The following STAG1 variants were observed in gnomAD, a reference collection of about 807,000 sequenced individuals.
The protein encoded by STAG1 is STAG1 cohesin complex component, also known as cohesin subunit SA-1.
Under a neutral mutation model 170.9 loss-of-function variants are expected in STAG1, and 26 were observed. That is an observed-to-expected ratio of 0.15 (90% CI 0.11 to 0.21). The LOEUF (loss-of-function observed/expected upper bound fraction) is 0.21. Among genes scored for constraint, STAG1 ranks in the 10% least tolerant of loss-of-function variants. The probability of loss-of-function intolerance (pLI) is 1.00; values close to 1 mark genes in which losing one functional copy is unlikely to be tolerated. For missense variants in STAG1, 964 were observed against 1,509.5 expected (o/e 0.64, Z 5.99); for synonymous variants, 514 against 497.7 (o/e 1.03, Z -0.44).
intron 3 of STAG1, among the ~76,000 whole-genome samples, chr3:136,611,793 G>A (rs546764198): frequency 1.3e-4 from 19 of 150,010 alleles, no homozygotes; most frequent in African/African-American, 4.4e-4. Flanking sequence ...GTAAGCCACT[G>A]CATCTCGCCT....
chr3:136,418,000 T>C (rs1221868914), intron 20 of STAG1, 28 bp from the exon 21 acceptor site: 10 of 1,521,120 alleles, frequency 6.6e-6, no homozygotes, highest in Non-Finnish European at 9.1e-6. Context: ...GCATCTGTTT[T>C]ATTCTAGAAT....
At position 136,658,801 on chromosome 3, in the gene STAG1, G is replaced by C. The variant is rs190984587; in HGVS notation, c.-83-27820C>G. Among the ~76,000 whole-genome samples the C allele has an allele frequency of 2.6e-5, 4 of 152,250 alleles. No individual in the cohort carries two copies. The East Asian group carries it at 7.7e-4, about 29-fold the overall frequency. ...TGATGAAAATTCTGTCATTTAACAA[G>C]ATATATGTTACTGTGCCATTTTCCA... On this transcript the variant is annotated intron_variant, in intron 1 of 33. Coordinates refer to ENST00000383202, the MANE Select transcript of STAG1 (RefSeq NM_005862.3).
intron 29 of STAG1, among the ~76,000 whole-genome samples, chr3:136,344,941 A>G (rs2108262887): frequency 6.6e-6 from 1 of 152,240 alleles, no homozygotes; most frequent in South Asian, 2.1e-4. Context: ...GAGGAAATAC[A>G]GTCATTCATA....
intron 16 of STAG1, among the ~76,000 whole-genome samples, chr3:136,427,250 TATTA>T: frequency 6.6e-6 from 1 of 151,788 alleles, no homozygotes; most frequent in East Asian, 1.9e-4. Context: ...AAAGATATAG[TATTA>T]ATCATAACTG....
chr3:136,409,233 C>T (rs1362161285), intron 21 of STAG1, among the ~76,000 whole-genome samples: 1 of 152,118 alleles, frequency 6.6e-6, no homozygotes, highest in Non-Finnish European at 1.5e-5. Flanking sequence ...CACTACTCTC[C>T]AGCCTGGGTG....
chr3:136,596,820 C>A (rs966815148), intron 4 of STAG1, among the ~76,000 whole-genome samples: 1 of 152,176 alleles, frequency 6.6e-6, no homozygotes, highest in African/African-American at 2.4e-5. Context: ...CATCTGTAGT[C>A]CCAGCACCTT....
chr3:136,740,443 T>A (rs1276882358), intron 1 of STAG1, among the ~76,000 whole-genome samples: 1 of 152,248 alleles, frequency 6.6e-6, no homozygotes, highest in Non-Finnish European at 1.5e-5. Context: ...TATTGTAAAA[T>A]GTTTATTGGC....
intron 1 of STAG1, among the ~76,000 whole-genome samples, chr3:136,632,021 A>T (rs980483586): frequency 1.3e-5 from 2 of 152,212 alleles, no homozygotes; most frequent in Non-Finnish European, 2.9e-5. Flanking sequence ...AAGAAATAGG[A>T]TACATACATA....
intron 16 of STAG1, among the ~76,000 whole-genome samples, chr3:136,424,865 G>C (rs1242111702): frequency 6.6e-6 from 1 of 151,812 alleles, no homozygotes; most frequent in African/African-American, 2.4e-5. Context: ...TTTTTTGATG[G>C]AGTCTCACTC....
chr3:136,750,530 G>C (rs1314710115), intron 1 of STAG1, among the ~76,000 whole-genome samples: 1 of 152,164 alleles, frequency 6.6e-6, no homozygotes, highest in Non-Finnish European at 1.5e-5. Flanking sequence ...TCCATATTTT[G>C]CATCTATTTA....
chr3:136,383,099 A>C (rs559942227), intron 22 of STAG1, among the ~76,000 whole-genome samples: 5 of 152,280 alleles, frequency 3.3e-5, no homozygotes, highest in Admixed American at 3.3e-4. Context: ...CAAGTTGAGG[A>C]AGGCTGCCAT....
At chr3:136,704,474 G>A (rs767590196) in intron 1 of STAG1, among the ~76,000 whole-genome samples, 4 of 152,118 alleles carry the variant, frequency 2.6e-5, no homozygotes, top group Non-Finnish European at 4.4e-5. Context: ...AACCAAAAGA[G>A]AGGAAGGGCA....
At chr3:136,472,115 G>A (rs1309455901) in intron 12 of STAG1, among the ~76,000 whole-genome samples, 1 of 152,104 alleles carries the variant, frequency 6.6e-6, no homozygotes, top group East Asian at 1.9e-4. Context: ...GGGATTTTAG[G>A]CAGGAGCCAA....
chr3:136,661,612 A>G (rs192895749), intron 1 of STAG1, among the ~76,000 whole-genome samples: 2 of 151,688 alleles, frequency 1.3e-5, no homozygotes, highest in Admixed American at 1.3e-4. Flanking sequence ...ATATTCCAAA[A>G]CCCCCCCAAC....
chr3:136,565,011 A>AAGGCAGGCAGGCAGGCAGGCAGGC (rs1553746573), intron 5 of STAG1, among the ~76,000 whole-genome samples: 2 of 45,452 alleles, frequency 4.4e-5, no homozygotes, highest in Non-Finnish European at 4.5e-5. Context: ...GGAAGGAAGG[A>AAGGCAGGCAGGCAGGCAGGCAGGC]AGGCAGGCAG....
intron 9 of STAG1, among the ~76,000 whole-genome samples, chr3:136,493,949 T>G (rs1000219754): frequency 2.0e-5 from 3 of 152,114 alleles, no homozygotes; most frequent in Non-Finnish European, 4.4e-5. Context: ...AAATACAAAT[T>G]ACCAAATCTG....
chr3:136,746,926 G>C (rs1485548989), intron 1 of STAG1, among the ~76,000 whole-genome samples: 4 of 151,802 alleles, frequency 2.6e-5, no homozygotes, highest in Non-Finnish European at 5.9e-5. Flanking sequence ...GAAAAACACT[G>C]TCTCTACTAA....
rs1043991108 is a variant in STAG1, at chr3:136,515,502, C to T, written c.676+5711G>A. On this transcript the variant is annotated intron_variant, in intron 7 of 33. Transcript: ENST00000383202. ...TCATTTAAGCTTCCCAATACTACCA[C>T]GAGAAAGGATTATTAGTATCTATGC... Among the ~76,000 whole-genome samples, 5 of 152,170 alleles carry T rather than the reference C, an allele frequency of 3.3e-5. No homozygotes were observed. In the East Asian group the frequency reaches 9.6e-4, roughly 29 times the overall value.
intron 1 of STAG1, among the ~76,000 whole-genome samples, chr3:136,640,209 A>T (rs1045111056): frequency 1.3e-5 from 2 of 152,316 alleles, no homozygotes; most frequent in Admixed American, 6.5e-5. Flanking sequence ...GTGGTTCATT[A>T]TTTTGTTGAT....
Sources: gnomAD v4.1 joint callset for allele counts (sites outside exome capture counted in the v4.1 genomes callset) on GRCh38, gnomAD v4.1.1 for gene constraint, MANE v1.5 for transcripts, NCBI Gene and HGNC (gene_info 2026-07-23, HGNC 2026-07-21) for gene names.